Variants in DPP10 observed in about 807,000 individuals in gnomAD.
DPP10 encodes inactive dipeptidyl peptidase 10.
DPP10 carries 33 observed loss-of-function variants against 120.9 expected under a neutral mutation model. That is an observed-to-expected ratio of 0.27 (90% CI 0.21 to 0.37). The LOEUF is 0.37. Among genes scored for constraint, DPP10 ranks in the 10% least tolerant of loss-of-function variants. DPP10 has a pLI of 1.00. For missense variants in DPP10, 816 were observed against 942.8 expected (o/e 0.87, Z 1.76); for synonymous variants, 337 against 326.1 (o/e 1.03, Z -0.36).
intron 1 of DPP10, among the ~76,000 whole-genome samples, chr2:114,470,355 G>A (rs1368032966): frequency 6.6e-6 from 1 of 152,180 alleles, no homozygotes; most frequent in African/African-American, 2.4e-5. Context: ...TCTGGTCTCT[G>A]AAGAATTGTG....
chr2:115,771,343 G>A (rs1681447636), intron 13 of DPP10, among the ~76,000 whole-genome samples: 1 of 151,980 alleles, frequency 6.6e-6, no homozygotes, highest in African/African-American at 2.4e-5. Context: ...CAAACTGCTG[G>A]GATTACAGGC....
chr2:114,666,382 C>T (rs1392666422), intron 1 of DPP10, among the ~76,000 whole-genome samples: 2 of 152,016 alleles, frequency 1.3e-5, no homozygotes, highest in African/African-American at 2.4e-5. Context: ...AAAAAGAATA[C>T]CAAAGGGATG....
At chr2:115,501,372 G>A (rs1045991079) in intron 4 of DPP10, among the ~76,000 whole-genome samples, 1 of 151,974 alleles carries the variant, frequency 6.6e-6, no homozygotes, top group Non-Finnish European at 1.5e-5. Flanking sequence ...TTCTTTTGCT[G>A]GTACTACACA....
rs143163002 is a variant in DPP10 at position 115,344,075 on chromosome 2, G to A, written c.271+163G>A. Among the ~76,000 whole-genome samples the A allele has an allele frequency of 3.8e-3, 556 of 147,012 alleles. 1 individual carries two copies. Among genetic ancestry groups the A allele is most frequent in the African/African-American group, 0.013 (509 of 39,612 alleles). Reference sequence around the variant, plus strand: ...CGCTTGAACCTGGGAGGCGGACGTCGCAGTGAGCCGAGATCGCACCACTGC... The same window carrying A: ...CGCTTGAACCTGGGAGGCGGACGTCACAGTGAGCCGAGATCGCACCACTGC... On this transcript the variant is annotated intron_variant, in intron 3 of 25. Coordinates refer to ENST00000410059, the MANE Select transcript of DPP10 (RefSeq NM_020868.6).
intron 1 of DPP10, among the ~76,000 whole-genome samples, chr2:115,173,811 A>G (rs1043980981): frequency 3.3e-5 from 5 of 152,194 alleles, no homozygotes; most frequent in Non-Finnish European, 7.3e-5. Flanking sequence ...GAATCTTACA[A>G]CCGACTATGT....
intron 1 of DPP10, among the ~76,000 whole-genome samples, chr2:114,946,296 T>C (rs1697342425): frequency 6.6e-6 from 1 of 152,218 alleles, no homozygotes; most frequent in Non-Finnish European, 1.5e-5. Context: ...CTATATAGTA[T>C]CTTCACAATT....
At chr2:115,225,013 T>C (rs17044195) in intron 1 of DPP10, among the ~76,000 whole-genome samples, 10,644 of 152,248 alleles carry the variant, frequency 0.07, 401 homozygotes, top group Middle Eastern at 0.11. Context: ...GCAATCACTG[T>C]GCTACACTCA....
chr2:114,678,159 C>G (rs577168502), intron 1 of DPP10, among the ~76,000 whole-genome samples: 1 of 151,928 alleles, frequency 6.6e-6, no homozygotes, highest in Non-Finnish European at 1.5e-5. Flanking sequence ...TTTTTCTATT[C>G]CAAGTAGTAG....
chr2:115,692,125 A>G (rs1017378222), intron 7 of DPP10, among the ~76,000 whole-genome samples: 1 of 152,030 alleles, frequency 6.6e-6, no homozygotes, highest in Non-Finnish European at 1.5e-5. Context: ...TATGAATGTA[A>G]CTAGGTATGG....
chr2:114,895,303 G>A (rs1408180499), intron 1 of DPP10, among the ~76,000 whole-genome samples: 2 of 152,200 alleles, frequency 1.3e-5, no homozygotes, highest in African/African-American at 2.4e-5. Context: ...GACAATGGTC[G>A]AAGAATTGAA....
chr2:115,535,746 C>T (rs1405065188), intron 5 of DPP10, among the ~76,000 whole-genome samples: 1 of 151,744 alleles, frequency 6.6e-6, no homozygotes, highest in Middle Eastern at 3.2e-3. Context: ...TACCCATGAG[C>T]ATGGAATGTT....
chr2:115,591,407 A>T (rs966993018), intron 5 of DPP10, among the ~76,000 whole-genome samples: 1 of 152,226 alleles, frequency 6.6e-6, no homozygotes, highest in Non-Finnish European at 1.5e-5. Context: ...TTTATTAAAT[A>T]GGGAATTCTT....
chr2:114,511,121 A>G (rs1684111583), intron 1 of DPP10, among the ~76,000 whole-genome samples: 1 of 152,268 alleles, frequency 6.6e-6, no homozygotes, highest in Non-Finnish European at 1.5e-5. Context: ...ATAAATAAGT[A>G]TGTATAGATA....
chr2:115,397,966 C>T (rs994058949), intron 3 of DPP10, among the ~76,000 whole-genome samples: 6 of 152,130 alleles, frequency 3.9e-5, no homozygotes, highest in South Asian at 2.1e-4. Context: ...GTGTGAGAGT[C>T]GATACGGCAA....
intron 1 of DPP10, among the ~76,000 whole-genome samples, chr2:114,847,162 C>T (rs1161371184): frequency 6.6e-6 from 1 of 152,128 alleles, no homozygotes; most frequent in Non-Finnish European, 1.5e-5. Context: ...GAGTGAGCCA[C>T]ATTGCCTGGG....
intron 1 of DPP10, among the ~76,000 whole-genome samples, chr2:115,109,724 G>T (rs1015321927): frequency 2.0e-5 from 3 of 152,062 alleles, no homozygotes. Flanking sequence ...ATTCCTTCAC[G>T]CTGAATCCTT....
chr2:115,557,417 C>T (rs2080284790), intron 5 of DPP10, among the ~76,000 whole-genome samples: 1 of 152,092 alleles, frequency 6.6e-6, no homozygotes, highest in African/African-American at 2.4e-5. Context: ...CGTAAGATGG[C>T]CGTAGAATTA....
chr2:114,839,238 G>A (rs1687971303), intron 1 of DPP10, among the ~76,000 whole-genome samples: 2 of 152,166 alleles, frequency 1.3e-5, no homozygotes, highest in Non-Finnish European at 2.9e-5. Context: ...TTAAAGTATG[G>A]TGTGAAAGAG....
intron 3 of DPP10, among the ~76,000 whole-genome samples, chr2:115,384,642 G>GGAAGAAGAAGAAGGAA (rs759026921): frequency 2.2e-5 from 3 of 138,282 alleles, no homozygotes; most frequent in Admixed American, 7.6e-5. Context: ...GAAGAAAGAA[G>GGAAGAAGAAGAAGGAA]GAAGAAGAAG....
Sources: allele counts gnomAD v4.1 joint callset (sites outside exome capture counted in the v4.1 genomes callset), GRCh38; gene constraint gnomAD v4.1.1; transcripts MANE v1.5; gene names NCBI Gene and HGNC (gene_info 2026-07-23, HGNC 2026-07-21).